Variants in SAMD4A observed in about 807,000 individuals in gnomAD.
SAMD4A encodes the protein sterile alpha motif domain containing 4A, also known as protein Smaug homolog 1.
SAMD4A carries 33 observed loss-of-function variants against 81.3 expected under a neutral mutation model. The observed-to-expected ratio is 0.41, with a 90% CI of 0.31 to 0.54. The LOEUF is 0.54. SAMD4A is among the 20% of genes least tolerant of loss of function. The pLI, the probability that SAMD4A is intolerant of heterozygous loss-of-function variation, is 0.37. For missense variants in SAMD4A, 854 were observed against 951.1 expected, an observed-to-expected ratio of 0.90 and a Z score of 1.34; for synonymous variants, 389 against 382.1, an observed-to-expected ratio of 1.02 and a Z score of -0.21.
intron 3 of SAMD4A, among the ~76,000 whole-genome samples, chr14:54,719,016 G>A (rs1255898775): frequency 6.7e-5 from 10 of 149,442 alleles, no homozygotes; most frequent in African/African-American, 2.2e-4. Flanking sequence ...AAAAAAAAAA[G>A]AAAAAAAAGA....
chr14:54,774,424 C>G (rs779708817), intron 9 of SAMD4A, among the ~76,000 whole-genome samples: 6 of 152,114 alleles, frequency 3.9e-5, no homozygotes, highest in Non-Finnish European at 7.4e-5. Context: ...TGAGCAGAGG[C>G]GGGGTGCAGT....
intron 10 of SAMD4A, among the ~76,000 whole-genome samples, chr14:54,775,989 C>G (rs1018027403): frequency 1.4e-5 from 2 of 142,270 alleles, no homozygotes; most frequent in African/African-American, 5.5e-5. Flanking sequence ...CTCTCCCCCT[C>G]GCTTTGGAGT....
chr14:54,656,464 C>A (rs551383645), intron 2 of SAMD4A, among the ~76,000 whole-genome samples: 2 of 152,216 alleles, frequency 1.3e-5, no homozygotes, highest in African/African-American at 4.8e-5. Flanking sequence ...TGAACTTTGA[C>A]TTATTTAGTA....
At chr14:54,624,312 T>C (rs190073805) in intron 2 of SAMD4A, among the ~76,000 whole-genome samples, 8 of 152,318 alleles carry the variant, frequency 5.3e-5, no homozygotes, top group Non-Finnish European at 8.8e-5. Flanking sequence ...TCCGGTCACG[T>C]GATAACTTAC....
intron 9 of SAMD4A, among the ~76,000 whole-genome samples, chr14:54,774,569 A>G (rs1002556560): frequency 5.0e-4 from 76 of 151,322 alleles, no homozygotes; most frequent in African/African-American, 1.8e-3. Context: ...AGTCCCAACT[A>G]CTCAAGAGGC....
At chr14:54,649,636 T>G (rs1392809203) in intron 2 of SAMD4A, among the ~76,000 whole-genome samples, 1 of 152,178 alleles carries the variant, frequency 6.6e-6, no homozygotes. Context: ...TGTGCATGAA[T>G]GTATTTTGGG....
chr14:54,634,626 G>A (rs186165439), intron 2 of SAMD4A, among the ~76,000 whole-genome samples: 20 of 152,182 alleles, frequency 1.3e-4, no homozygotes, highest in Admixed American at 2.0e-4. Flanking sequence ...GTCGCCCGCC[G>A]CTCACCTCAT....
chr14:54,786,094 C>G (rs1295395449), intron 12 of SAMD4A, among the ~76,000 whole-genome samples: 1 of 152,166 alleles, frequency 6.6e-6, no homozygotes, highest in Non-Finnish European at 1.5e-5. Context: ...ACTCAAATGT[C>G]CACCAAAGGA....
chr14:54,678,496 TGTGTGTGTGTGTGTGTGTGTAG>T, intron 2 of SAMD4A, among the ~76,000 whole-genome samples: 1 of 63,946 alleles, frequency 1.6e-5, no homozygotes, highest in African/African-American at 5.1e-5. Context: ...TGTGTGTGTG[TGTGTGTGTGTGTGTGTGTGTAG>T]GTCAGGTGGG....
chr14:54,700,291 A>G (rs550111845), intron 2 of SAMD4A, among the ~76,000 whole-genome samples: 2 of 152,202 alleles, frequency 1.3e-5, no homozygotes, highest in Non-Finnish European at 2.9e-5. Context: ...GGCTCAGAGA[A>G]GTTAAGTAAC....
Position 54,567,605 on chromosome 14 carries a change from A to T in SAMD4A, c.-312A>T, listed in dbSNP as rs1052427287. 20 of 353,922 alleles carry T rather than the reference A, an allele frequency of 5.7e-5. No homozygotes were observed. The highest frequency in any genetic ancestry group is 9.7e-5 in the Non-Finnish European group (19 of 195,526). 21.9% of individuals were successfully genotyped at this position (353,922 alleles called of 1,614,324 possible). ...CATCCCAAAGCTGCAAGAAGGGGGG[A>T]GAAAGCATTCTTCATTCAGTTGTGT... On this transcript the variant is annotated 5_prime_UTR_variant, in exon 2 of 13. Coordinates refer to ENST00000554335, the MANE Select transcript of SAMD4A (RefSeq NM_015589.6).
At position 54,580,757 on chromosome 14, in the gene SAMD4A, A is replaced by G. The variant is rs1045127257; in HGVS notation, c.196+12645A>G. Among the ~76,000 whole-genome samples, 5 of 152,320 alleles carry G rather than the reference A, an allele frequency of 3.3e-5. No individual in the cohort carries two copies. In the South Asian group the frequency reaches 8.3e-4, roughly 25 times the overall value. On this transcript the variant is annotated intron_variant, in intron 2 of 12. Coordinates refer to ENST00000554335, the MANE Select transcript of SAMD4A (RefSeq NM_015589.6). ...TAGTCTCAAGGTACTGGTGTTGTTC[A>G]CTATCTGATTACCCTGTGCCTTAGT...
intron 2 of SAMD4A, among the ~76,000 whole-genome samples, chr14:54,630,431 G>A (rs2034867379): frequency 6.6e-6 from 1 of 152,158 alleles, no homozygotes. Flanking sequence ...CCCGAATGAT[G>A]GGTGATGTTG....
chr14:54,725,625 CCATTA>C (rs2037395273), intron 3 of SAMD4A, among the ~76,000 whole-genome samples: 21 of 152,216 alleles, frequency 1.4e-4, no homozygotes. Flanking sequence ...GATGATTTTT[CCATTA>C]GCAGTGTTGG....
intron 3 of SAMD4A, among the ~76,000 whole-genome samples, chr14:54,717,884 G>GT (rs59380334): frequency 0.16 from 20,534 of 131,134 alleles, 2,923 homozygotes; most frequent in African/African-American, 0.39. Context: ...TTGCTTGAAG[G>GT]TTTTTTTTTT....
intron 7 of SAMD4A, among the ~76,000 whole-genome samples, chr14:54,760,906 G>A (rs1420968401): frequency 6.6e-6 from 1 of 152,142 alleles, no homozygotes; most frequent in Non-Finnish European, 1.5e-5. Context: ...CAAACTGAAG[G>A]GGCACAGACG....
intron 2 of SAMD4A, among the ~76,000 whole-genome samples, chr14:54,600,528 T>C (rs2034025080): frequency 6.6e-6 from 1 of 152,230 alleles, no homozygotes; most frequent in African/African-American, 2.4e-5. Context: ...TCTTTGTGAT[T>C]GAGTTAGCCA....
At chr14:54,600,630 G>A (rs1566540845) in intron 2 of SAMD4A, among the ~76,000 whole-genome samples, 2 of 152,126 alleles carry the variant, frequency 1.3e-5, no homozygotes, top group African/African-American at 4.8e-5. Flanking sequence ...AACTGTTTAG[G>A]ATGGAAAACA....
chr14:54,698,779 C>T (rs969492844), intron 2 of SAMD4A, among the ~76,000 whole-genome samples: 49 of 152,192 alleles, frequency 3.2e-4, no homozygotes, highest in Non-Finnish European at 6.5e-4. Flanking sequence ...ATAAAGGGAC[C>T]GGGGCCAGCG....
Sources: allele counts gnomAD v4.1 joint callset (sites outside exome capture counted in the v4.1 genomes callset), GRCh38; gene constraint gnomAD v4.1.1; transcripts MANE v1.5; gene names NCBI Gene and HGNC (gene_info 2026-07-23, HGNC 2026-07-21).